The following KIAA1217 variants were observed in gnomAD, a reference collection of about 807,000 sequenced individuals.
The protein encoded by KIAA1217 is sickle tail protein homolog.
KIAA1217 carries 88 observed loss-of-function variants against 163.9 expected under a neutral mutation model. The observed-to-expected ratio is 0.54, with a 90% confidence interval of 0.45 to 0.64. The LOEUF is 0.64. Ranked by LOEUF, KIAA1217 falls within the 30% of genes least tolerant of loss-of-function variation. KIAA1217 has a pLI of 0.00. For synonymous variants in KIAA1217, 903 were observed against 923.1 expected (o/e 0.98, Z 0.39); for missense variants, 2,372 against 2,475.0 (o/e 0.96, Z 0.88).
At chr10:24,217,747 G>A (rs1284847319) in intron 1 of KIAA1217, among the ~76,000 whole-genome samples, 2 of 152,130 alleles carry the variant, frequency 1.3e-5, no homozygotes, top group African/African-American at 4.8e-5. Context: ...GGATTCAACT[G>A]AGCAGAACTC....
chr10:23,844,321 A>G (rs910141692), intron 1 of KIAA1217, among the ~76,000 whole-genome samples: 1 of 151,938 alleles, frequency 6.6e-6, no homozygotes, highest in African/African-American at 2.4e-5. Flanking sequence ...CTTTATTTTC[A>G]TTGTTCTGGG....
chr10:24,445,813 C>G (rs959428755), intron 5 of KIAA1217, among the ~76,000 whole-genome samples: 5 of 152,162 alleles, frequency 3.3e-5, no homozygotes, highest in African/African-American at 1.2e-4. Context: ...CAAGTCTTTG[C>G]TATTGTGAAT....
At chr10:24,294,576 T>G (rs892771916) in intron 2 of KIAA1217, among the ~76,000 whole-genome samples, 17 of 152,216 alleles carry the variant, frequency 1.1e-4, no homozygotes, top group African/African-American at 3.6e-4. Flanking sequence ...ATGCATTTAG[T>G]AAACACCAGC....
At chr10:23,879,329 G>A (rs1304364277) in intron 1 of KIAA1217, among the ~76,000 whole-genome samples, 3 of 151,892 alleles carry the variant, frequency 2.0e-5, no homozygotes, top group African/African-American at 7.2e-5. Flanking sequence ...CTAGAGATGA[G>A]AAATACTCTT....
intron 2 of KIAA1217, among the ~76,000 whole-genome samples, chr10:24,221,018 C>T (rs1213134045): frequency 1.3e-5 from 2 of 152,070 alleles, no homozygotes; most frequent in South Asian, 4.1e-4. Flanking sequence ...GCTTCTGTCT[C>T]CCAAAGTACT....
chr10:24,459,939 T>TA (rs1258855558), intron 5 of KIAA1217, among the ~76,000 whole-genome samples: 1 of 151,968 alleles, frequency 6.6e-6, no homozygotes, highest in African/African-American at 2.4e-5. Flanking sequence ...TCTTTAAAAC[T>TA]AAAAAAAGTG....
chr10:24,481,855 C>T (rs866710240), intron 6 of KIAA1217: 14 of 152,028 alleles, frequency 9.2e-5, no homozygotes, highest in Non-Finnish European at 1.0e-4. Context: ...AGGGCATGTA[C>T]GTAATGAAAA....
intron 2 of KIAA1217, among the ~76,000 whole-genome samples, chr10:24,231,464 G>GA (rs199854695): frequency 0.014 from 2,059 of 152,294 alleles, 20 homozygotes; most frequent in Non-Finnish European, 0.018. Context: ...CATAGCTGGA[G>GA]AATTTACAAT....
At chr10:24,326,197 A>G (rs745966527) in intron 2 of KIAA1217, among the ~76,000 whole-genome samples, 1 of 152,114 alleles carries the variant, frequency 6.6e-6, no homozygotes, top group Non-Finnish European at 1.5e-5. Flanking sequence ...CGGTATCTCT[A>G]TTGATACTGT....
intron 2 of KIAA1217, among the ~76,000 whole-genome samples, chr10:24,130,042 G>A (rs1466155372): frequency 6.6e-6 from 1 of 151,896 alleles, no homozygotes; most frequent in Non-Finnish European, 1.5e-5. Context: ...TCAGAAACTT[G>A]TTCACCATTT....
intron 1 of KIAA1217, among the ~76,000 whole-genome samples, chr10:23,733,996 AT>A (rs1172006909): frequency 1.3e-5 from 2 of 152,060 alleles, no homozygotes; most frequent in Non-Finnish European, 2.9e-5. Flanking sequence ...GGAAAAACAC[AT>A]TTTTTCTTTC....
At chr10:24,227,201 A>C (rs546825027) in intron 2 of KIAA1217, among the ~76,000 whole-genome samples, 1 of 151,988 alleles carries the variant, frequency 6.6e-6, no homozygotes, top group Admixed American at 6.6e-5. Flanking sequence ...TCTGTCACCC[A>C]GGCTGGAGTG....
At chr10:24,425,883 C>G (rs1387255633) in intron 3 of KIAA1217, among the ~76,000 whole-genome samples, 1 of 152,184 alleles carries the variant, frequency 6.6e-6, no homozygotes, top group Non-Finnish European at 1.5e-5. Flanking sequence ...CCCTTGTCAG[C>G]ACTATTTATT....
chr10:23,821,101 G>A (rs936759470), intron 1 of KIAA1217, among the ~76,000 whole-genome samples: 2 of 126,586 alleles, frequency 1.6e-5, no homozygotes, highest in African/African-American at 6.7e-5. Context: ...AGCTGTGTGT[G>A]TGCGTGTGTG....
At chr10:23,840,609 T>G (rs1457959482) in intron 1 of KIAA1217, among the ~76,000 whole-genome samples, 1 of 152,192 alleles carries the variant, frequency 6.6e-6, no homozygotes, top group South Asian at 2.1e-4. Context: ...AGTGATCCTT[T>G]TACATGAGCT....
At chr10:23,785,231 G>A (rs928229680) in intron 1 of KIAA1217, among the ~76,000 whole-genome samples, 1 of 152,034 alleles carries the variant, frequency 6.6e-6, no homozygotes, top group Admixed American at 6.6e-5. Context: ...TCCCAGATGC[G>A]CCATAGGGCC....
At chr10:23,764,707 C>T (rs1834426245) in intron 1 of KIAA1217, among the ~76,000 whole-genome samples, 1 of 152,092 alleles carries the variant, frequency 6.6e-6, no homozygotes, top group South Asian at 2.1e-4. Flanking sequence ...GAAAACCAAA[C>T]ACCACATGTA....
intron 4 of KIAA1217, among the ~76,000 whole-genome samples, chr10:24,434,106 C>T (rs147926860): frequency 1.3e-4 from 17 of 133,284 alleles, no homozygotes; most frequent in African/African-American, 4.4e-4. Context: ...GTGCGATCTC[C>T]GTTTACTGTA....
chr10:24,500,706 A>G (rs2067461430), intron 8 of KIAA1217, among the ~76,000 whole-genome samples: 1 of 152,204 alleles, frequency 6.6e-6, no homozygotes, highest in South Asian at 2.1e-4. Context: ...TAGGCACATA[A>G]GCACTCTATA....
Sources: gnomAD v4.1 joint callset for allele counts (sites outside exome capture counted in the v4.1 genomes callset) on GRCh38, gnomAD v4.1.1 for gene constraint, MANE v1.5 for transcripts, NCBI Gene and HGNC (gene_info 2026-07-23, HGNC 2026-07-21) for gene names.